NRF1: variants seen among roughly 807,000 people sequenced by gnomAD.
NRF1 encodes alpha palindromic-binding protein.
In NRF1, 5 loss-of-function variants were observed where a neutral mutation model predicts 58.5. That is an observed-to-expected ratio of 0.09 (90% CI 0.04 to 0.18). The LOEUF is 0.18. Ranked by LOEUF, NRF1 falls within the 10% of genes least tolerant of loss-of-function variation. NRF1 has a pLI of 1.00. For synonymous variants in NRF1, 224 were observed against 246.7 expected (o/e 0.91, Z 0.86); for missense variants, 288 against 657.7 (o/e 0.44, Z 6.15).
At position 129,733,423 on chromosome 7, in the gene NRF1, C is replaced by T. The variant is rs1370730352; in HGVS notation, c.1348+6058C>T. ...TGGAGTTTGCAGTGATCCGAGATTG[C>T]GCCACTGCACTCCAGCCTGGGTATA... On this transcript the variant is annotated intron_variant, in intron 10 of 10. Coordinates refer to ENST00000393232, the MANE Select transcript of NRF1 (RefSeq NM_005011.5). 4.0e-5 allele frequency among the ~76,000 whole-genome samples: 6 copies of T among 151,422 alleles called. No individual in the cohort carries two copies. The East Asian group carries it at 1.2e-3, about 29-fold the overall frequency.
chr7:129,690,575 CAA>C, intron 5 of NRF1, 29 bp downstream of exon 5: 1 of 1,613,006 alleles, frequency 6.2e-7, no homozygotes. Flanking sequence ...GGAGGAGACT[CAA>C]AGACAAGTGG....
At chr7:129,736,383 G>C (rs1803712394) in intron 10 of NRF1, among the ~76,000 whole-genome samples, 1 of 150,508 alleles carries the variant, frequency 6.6e-6, no homozygotes, top group Non-Finnish European at 1.5e-5. Context: ...CTGGGTTCAA[G>C]CGATTCTCCT....
intron 9 of NRF1, among the ~76,000 whole-genome samples, chr7:129,718,044 C>A (rs1424190942): frequency 6.6e-6 from 1 of 152,062 alleles, no homozygotes; most frequent in Non-Finnish European, 1.5e-5. Flanking sequence ...GAACTTTTTT[C>A]TTCAGGTATG....
rs886490816 is a variant in NRF1, at chr7:129,697,601, A to G, written c.606+7055A>G. Among the ~76,000 whole-genome samples, 8 of 152,216 alleles carry G rather than the reference A, an allele frequency of 5.3e-5. No individual in the cohort carries two copies. The South Asian group carries it at 1.0e-3, about 20-fold the overall frequency. ...GAAAATGAAATTTATGAAGCAAGCT[A>G]GTGACAGATAGAACTTAGGGCTGCA... On this transcript the variant is annotated intron_variant, in intron 5 of 10. Transcript: ENST00000393232.
chr7:129,733,606 G>A (rs1027061759), intron 10 of NRF1, among the ~76,000 whole-genome samples: 1 of 152,156 alleles, frequency 6.6e-6, no homozygotes, highest in African/African-American at 2.4e-5. Context: ...CCAGGTTCAG[G>A]GTTATAGGGA....
intron 5 of NRF1, among the ~76,000 whole-genome samples, chr7:129,702,610 C>T (rs1271085722): frequency 1.3e-5 from 2 of 152,110 alleles, no homozygotes; most frequent in Non-Finnish European, 2.9e-5. Flanking sequence ...TTTAAATATC[C>T]ATTCAAATAA....
At chr7:129,676,340 C>A (rs1240278682) in intron 3 of NRF1, among the ~76,000 whole-genome samples, 1 of 152,248 alleles carries the variant, frequency 6.6e-6, no homozygotes, top group African/African-American at 2.4e-5. Flanking sequence ...TGGCTTTCAA[C>A]ATGCCTTCCT....
intron 4 of NRF1, among the ~76,000 whole-genome samples, chr7:129,689,407 C>T (rs965044530): frequency 6.6e-6 from 1 of 152,206 alleles, no homozygotes; most frequent in Non-Finnish European, 1.5e-5. Flanking sequence ...AAAATAGTGC[C>T]TTGAGCCCAG....
intron 1 of NRF1, among the ~76,000 whole-genome samples, chr7:129,638,676 G>GA (rs1801222981): frequency 6.6e-6 from 1 of 152,146 alleles, no homozygotes; most frequent in South Asian, 2.1e-4. Context: ...AGTAGTCATG[G>GA]AAAAATTTTG....
At chr7:129,645,555 G>C (rs7778085) in intron 1 of NRF1, among the ~76,000 whole-genome samples, 1 of 152,268 alleles carries the variant, frequency 6.6e-6, no homozygotes, top group Non-Finnish European at 1.5e-5. Flanking sequence ...AGGGAGTTAG[G>C]ATGGTAGATA....
intron 5 of NRF1, among the ~76,000 whole-genome samples, chr7:129,693,090 A>G (rs1802608071): frequency 6.6e-6 from 1 of 152,180 alleles, no homozygotes; most frequent in Non-Finnish European, 1.5e-5. Context: ...ACTTCTGTTC[A>G]GTATAGCTGC....
At chr7:129,682,814 A>G (rs1307010053) in intron 4 of NRF1, among the ~76,000 whole-genome samples, 1 of 152,108 alleles carries the variant, frequency 6.6e-6, no homozygotes, top group African/African-American at 2.4e-5. Context: ...AAAACAAACA[A>G]AAGAAGCTGA....
intron 1 of NRF1, among the ~76,000 whole-genome samples, chr7:129,642,342 C>T (rs891005715): frequency 1.3e-5 from 2 of 152,056 alleles, no homozygotes; most frequent in African/African-American, 2.4e-5. Context: ...TTATTGAATA[C>T]TAGTTATCAT....
intron 10 of NRF1, among the ~76,000 whole-genome samples, chr7:129,738,734 C>G (rs1408883781): frequency 6.6e-6 from 1 of 152,182 alleles, no homozygotes; most frequent in East Asian, 1.9e-4. Flanking sequence ...TCTACCTTCA[C>G]CCAGTAAACT....
At chr7:129,658,456 C>T (rs919784148) in intron 2 of NRF1, among the ~76,000 whole-genome samples, 7 of 151,916 alleles carry the variant, frequency 4.6e-5, no homozygotes, top group South Asian at 2.1e-4. Context: ...GGTGTGGTGA[C>T]GTGCTCCCTA....
chr7:129,632,657 G>T (rs1801077379), intron 1 of NRF1, among the ~76,000 whole-genome samples: 1 of 151,446 alleles, frequency 6.6e-6, no homozygotes, highest in Non-Finnish European at 1.5e-5. Context: ...AACAATGTTT[G>T]GATTGCAGGG....
At chr7:129,637,222 C>T (rs577846663) in intron 1 of NRF1, among the ~76,000 whole-genome samples, 2 of 146,282 alleles carry the variant, frequency 1.4e-5, no homozygotes, top group East Asian at 2.0e-4. Flanking sequence ...AGGTTCTGTA[C>T]AGGATTCTGC....
chr7:129,684,047 T>C (rs1802389375), intron 4 of NRF1, among the ~76,000 whole-genome samples: 1 of 152,162 alleles, frequency 6.6e-6, no homozygotes, highest in Admixed American at 6.5e-5. Flanking sequence ...ATATTCATTG[T>C]CTTATTTTCA....
At chr7:129,661,130 A>G (rs1385414561) in intron 2 of NRF1, among the ~76,000 whole-genome samples, 1 of 151,316 alleles carries the variant, frequency 6.6e-6, no homozygotes, top group African/African-American at 2.5e-5. Context: ...TTTCAGCCAC[A>G]GCTGGAGCAG....
Sources: allele counts gnomAD v4.1 joint callset (sites outside exome capture counted in the v4.1 genomes callset), GRCh38; gene constraint gnomAD v4.1.1; transcripts MANE v1.5; gene names NCBI Gene and HGNC (gene_info 2026-07-23, HGNC 2026-07-21).